ZNF701: variants seen among roughly 807,000 people sequenced by gnomAD.
The protein encoded by ZNF701 is zinc finger protein 701.
Under a neutral mutation model 7.1 loss-of-function variants are expected in ZNF701, and 6 were observed. The observed-to-expected ratio is 0.84, with a 90% CI of 0.46 to 1.66. The LOEUF is 1.66. ZNF701 is among the 40% of genes most tolerant of loss of function. The pLI, the probability that ZNF701 is intolerant of heterozygous loss-of-function variation, is 0.01. For missense variants in ZNF701, 541 were observed against 559.2 expected, an observed-to-expected ratio of 0.97 and a Z score of 0.33; for synonymous variants, 166 against 188.2, an observed-to-expected ratio of 0.88 and a Z score of 0.97.
chr19:52,573,944 A>T (rs1033502222), intron 1 of ZNF701, 133 bp from the exon 2 acceptor site: 28 of 936,032 alleles, frequency 3.0e-5, no homozygotes, highest in Non-Finnish European at 4.4e-5. Context: ...ATAGAAATTT[A>T]TTATCCCTGG....
At chr19:52,577,696 C>T (rs536737378) in intron 3 of ZNF701, among the ~76,000 whole-genome samples, 32 of 152,046 alleles carry the variant, frequency 2.1e-4, no homozygotes, top group African/African-American at 4.1e-4. Context: ...GGAAGGCACC[C>T]GTTACTTAGC....
chr19:52,574,777 T>C (rs987388872), intron 2 of ZNF701, among the ~76,000 whole-genome samples: 70 of 152,188 alleles, frequency 4.6e-4, no homozygotes, highest in African/African-American at 1.6e-3. Context: ...ATTAAACCAT[T>C]CTTAGCAAAT....
chr19:52,575,090 C>A (rs1213447269), intron 2 of ZNF701, among the ~76,000 whole-genome samples: 3 of 152,172 alleles, frequency 2.0e-5, no homozygotes, highest in Admixed American at 6.5e-5. Flanking sequence ...CTGCCTCAGC[C>A]TCCTGAGTAG....
At chr19:52,590,114 T>TTC (rs2060031303), downstream of ZNF701, among the ~76,000 whole-genome samples, 1 of 150,392 alleles carries the variant, frequency 6.6e-6, no homozygotes, top group Non-Finnish European at 1.5e-5. Context: ...ATTGTTTTTT[T>TTC]TTTTTTGAGA....
At chr19:52,576,370 G>A (rs536380662) in intron 3 of ZNF701, among the ~76,000 whole-genome samples, 223 of 152,062 alleles carry the variant, frequency 1.5e-3, no homozygotes, top group African/African-American at 5.0e-3. Context: ...GAGAAATCCC[G>A]TCTCTACTAA....
rs532911710 is a variant in ZNF701 at position 52,571,164 on chromosome 19, A to G, written c.-72+834A>G. 1.2e-4 allele frequency among the ~76,000 whole-genome samples: 18 copies of G among 152,148 alleles called. No individual in the cohort carries two copies. In the East Asian group the frequency reaches 1.4e-3, roughly 11 times the overall value. On this transcript the variant is annotated intron_variant, in intron 1 of 3. Coordinates refer to ENST00000391785, the MANE Select transcript of ZNF701 (RefSeq NM_018260.3). ...AACTGGAGAAATGTAGAGAAAAGCT[A>G]GATGTACAGAGAGATGAAGGACAGA...
In ZNF701 at chr19:52,582,527, C is replaced by G. The variant is rs766992238; in HGVS notation, c.468C>G (p.Pro156=). The change falls in exon 4 of 4, where the codon CCC becomes CCG. Residue 156 remains proline, a synonymous_variant. Coordinates refer to ENST00000391785, the MANE Select transcript of ZNF701 (RefSeq NM_018260.3). ...TGCCTGAAGTGCACATATTTCACCCCGAAGGGAAAATTGGTAATCAAGTTG... is the reference window on the plus strand; with the variant it reads ...TGCCTGAAGTGCACATATTTCACCCGGAAGGGAAAATTGGTAATCAAGTTG... The part of the protein sequence containing the change: ...SHLPEVHIFH[P]EGKIGNQVEK... 7.4e-6 allele frequency: 12 copies of G among 1,614,096 alleles called. No homozygotes were observed. The East Asian group carries it at 2.2e-4, about 30-fold the overall frequency.
rs2059982070 is a variant in ZNF701 at position 52,582,536 on chromosome 19, A to C, written c.477A>C (p.Lys159Asn). 1.9e-6 allele frequency: 3 copies of C among 1,614,066 alleles called. No homozygotes were observed. Among genetic ancestry groups the C allele is most frequent in the African/African-American group, 2.7e-5 (2 of 74,928 alleles). Residue 159 changes from lysine to asparagine, a missense_variant, in exon 4 of 4, where the codon AAA (lysine) becomes AAC (asparagine). Transcript: ENST00000391785. ...TGCACATATTTCACCCCGAAGGGAA[A>C]ATTGGTAATCAAGTTGAGAAGGCTA... is the stretch of plus-strand genomic sequence containing the variant. ...PEVHIFHPEG[K>N]IGNQVEKAIN... is the part of the protein sequence containing the mutation.
rs1034013424 is a variant in ZNF701 at position 52,586,716 on chromosome 19, T to C, written c.*3259T>C. ...AACCTCAGTGAGCCCACCTGTAATA[T>C]ACAGGTGAGGGAGAAGACCAGAAAA... On this transcript the variant is annotated 3_prime_UTR_variant, in exon 4 of 4. Transcript: ENST00000391785. 6.6e-6 allele frequency: 1 copy of C among 152,132 alleles called. No individual in the cohort carries two copies. The highest frequency in any genetic ancestry group is 1.5e-5 in the Non-Finnish European group (1 of 68,048). The allele number at this position is 152,132 out of a possible 1,614,324, so 9.4% of individuals were successfully genotyped here. A position where few individuals can be genotyped will look rare whatever the true frequency, so the allele number is the denominator to read the frequency against.
the ZNF701 span, chr19:52,597,914 C>G: frequency 6.2e-6 from 1 of 161,058 alleles, no homozygotes; most frequent in Non-Finnish European, 1.4e-5. Context: ...TGGATAGTTT[C>G]TGATGTGCCG....
chr19:52,575,211 C>A (rs1335219781), intron 2 of ZNF701, among the ~76,000 whole-genome samples: 1 of 152,142 alleles, frequency 6.6e-6, no homozygotes, highest in African/African-American at 2.4e-5. Context: ...CCTTGTGATC[C>A]ACCCGCCTCA....
In ZNF701 at chr19:52,586,623, C is replaced by T. The variant is rs978496773; in HGVS notation, c.*3166C>T. 2 of 152,144 alleles carry T rather than the reference C, an allele frequency of 1.3e-5. No homozygotes were observed. Among genetic ancestry groups the T allele is most frequent in the Non-Finnish European group, 2.9e-5 (2 of 68,040 alleles). 9.4% of individuals were successfully genotyped at this position (152,144 alleles called of 1,614,324 possible). A position where few individuals can be genotyped will look rare whatever the true frequency, so the allele number is the denominator to read the frequency against. ...CCCTTCCTGGCCATCACATGAAAAT[C>T]AGCGACTCTTCCTTCTTACAAAACT... On this transcript the variant is annotated 3_prime_UTR_variant, in exon 4 of 4. Coordinates refer to ENST00000391785, the MANE Select transcript of ZNF701 (RefSeq NM_018260.3).
At chr19:52,593,872 G>A in the ZNF701 span, among the ~76,000 whole-genome samples, 5 of 113,254 alleles carry the variant, frequency 4.4e-5, 1 homozygote, top group Admixed American at 4.6e-4. Context: ...CATCCCAGAC[G>A]ATGGGCGGCC....
At chr19:52,575,182 G>T (rs970416575) in intron 2 of ZNF701, among the ~76,000 whole-genome samples, 3 of 152,246 alleles carry the variant, frequency 2.0e-5, no homozygotes, top group South Asian at 2.1e-4. Context: ...TGTTAGCCAG[G>T]ATGGTCTCGA....
chr19:52,596,035 T>A, the ZNF701 span: 1 of 1,467,000 alleles, frequency 6.8e-7, no homozygotes, highest in Non-Finnish European at 9.5e-7. Context: ...AAACCCATAT[T>A]TCTATTAAGT....
rs917778892 is a variant in ZNF701 at position 52,583,285 on chromosome 19, G to A, written c.1226G>A (p.Arg409His). 9.3e-6 allele frequency: 15 copies of A among 1,609,852 alleles called. No homozygotes were observed. The highest frequency in any genetic ancestry group is 2.7e-5 in the African/African-American group (2 of 73,658). ...AAGGTCATTCATACTGGAGAGAAAC[G>A]TTACAAGTGTAATGAATGTGGCAAG... ...MHKVIHTGEK[R>H]YKCNECGKVF... The change falls in exon 4 of 4, where the codon CGT becomes CAT. Residue 409 changes from arginine (R) to histidine (H), a missense_variant. By Grantham distance (29) the Arg-to-His change is conservative. Transcript: ENST00000391785.
At chr19:52,590,947 C>G (rs943820959), downstream of ZNF701, among the ~76,000 whole-genome samples, 3 of 152,068 alleles carry the variant, frequency 2.0e-5, 1 homozygote, top group Admixed American at 1.3e-4. Context: ...TCAAAAGATT[C>G]TCCTGCCTCG....
downstream of ZNF701, among the ~76,000 whole-genome samples, chr19:52,589,563 T>G (rs2060028712): frequency 6.7e-6 from 1 of 149,524 alleles, no homozygotes; most frequent in African/African-American, 2.5e-5. Flanking sequence ...GACTGCAGCC[T>G]CCACCTCCCG....
intron 3 of ZNF701, among the ~76,000 whole-genome samples, chr19:52,578,850 C>T (rs2059955525): frequency 6.6e-6 from 1 of 152,050 alleles, no homozygotes; most frequent in Admixed American, 6.6e-5. Flanking sequence ...CTCCACCTCC[C>T]GGGTTCACGC....
Sources: allele counts gnomAD v4.1 joint callset (sites outside exome capture counted in the v4.1 genomes callset), GRCh38; gene constraint gnomAD v4.1.1; transcripts MANE v1.5; gene names NCBI Gene and HGNC (gene_info 2026-07-23, HGNC 2026-07-21).